SLC38A4: variants seen among roughly 807,000 people sequenced by gnomAD.
SLC38A4 encodes the protein solute carrier family 38 member 4.
A neutral mutation model predicts 63.1 loss-of-function variants in SLC38A4; 20 were observed. The ratio of observed to expected loss-of-function variants is 0.32; its 90% CI spans 0.22 to 0.46. The LOEUF is 0.46. Among genes scored for constraint, SLC38A4 ranks in the 20% least tolerant of loss-of-function variants. The pLI is 1.00. For synonymous variants in SLC38A4, 230 were observed against 225.5 expected (o/e 1.02, Z -0.18); for missense variants, 526 against 663.6 (o/e 0.79, Z 2.28).
chr12:46,796,856 G>A (rs1202430865), intron 2 of SLC38A4, among the ~76,000 whole-genome samples: 1 of 152,062 alleles, frequency 6.6e-6, no homozygotes, highest in Non-Finnish European at 1.5e-5. Context: ...GTGGATACCT[G>A]ATCACTGGTT....
chr12:46,767,238 ATGTG>A (rs63298462), intron 16 of SLC38A4, among the ~76,000 whole-genome samples: 7 of 150,896 alleles, frequency 4.6e-5, no homozygotes, highest in African/African-American at 1.2e-4. Flanking sequence ...AAGTGTATAT[ATGTG>A]TGTGTGTGTG....
At chr12:46,800,745 G>T (rs1475815099) in intron 2 of SLC38A4, among the ~76,000 whole-genome samples, 1 of 152,122 alleles carries the variant, frequency 6.6e-6, no homozygotes, top group Non-Finnish European at 1.5e-5. Context: ...TGCTGGGGTT[G>T]TGGATTCTAC....
chr12:46,823,966 A>G (rs1939599645), intron 1 of SLC38A4, among the ~76,000 whole-genome samples: 1 of 152,232 alleles, frequency 6.6e-6, no homozygotes, highest in Non-Finnish European at 1.5e-5. Context: ...TCCCAGCAGC[A>G]GATGAGGTGG....
At chr12:46,786,998 A>C (rs1044349960) in intron 5 of SLC38A4, among the ~76,000 whole-genome samples, 1 of 152,204 alleles carries the variant, frequency 6.6e-6, no homozygotes, top group African/African-American at 2.4e-5. Flanking sequence ...ACTGCTGCCA[A>C]CTATATCCTG....
At chr12:46,820,985 T>C (rs1283714906) in intron 1 of SLC38A4, among the ~76,000 whole-genome samples, 3 of 152,104 alleles carry the variant, frequency 2.0e-5, no homozygotes, top group Non-Finnish European at 4.4e-5. Flanking sequence ...TTTGAATAAA[T>C]GTCTATTCAA....
intron 1 of SLC38A4, among the ~76,000 whole-genome samples, chr12:46,816,654 T>G (rs907642196): frequency 6.6e-6 from 1 of 151,932 alleles, no homozygotes; most frequent in African/African-American, 2.4e-5. Context: ...CTTGACTGTT[T>G]CCCCATTTTC....
chr12:46,824,171 C>T (rs1483057904), intron 1 of SLC38A4: 2 of 152,134 alleles, frequency 1.3e-5, no homozygotes, highest in Non-Finnish European at 2.9e-5. Context: ...AGGGAACTTC[C>T]GATTGCAGAG....
chr12:46,788,458 T>C (rs2120815491), intron 4 of SLC38A4, 70 bp downstream of exon 4: 2 of 1,249,422 alleles, frequency 1.6e-6, no homozygotes, highest in Middle Eastern at 1.9e-4. Flanking sequence ...CACATTGTTT[T>C]CCCACAGAGA....
intron 12 of SLC38A4, 97 bp from the exon 13 acceptor site, chr12:46,777,101 G>T: frequency 1.0e-6 from 1 of 998,118 alleles, no homozygotes. Flanking sequence ...TATCTATATT[G>T]CTCATCATGA....
intron 3 of SLC38A4, among the ~76,000 whole-genome samples, chr12:46,789,379 A>G (rs937689931): frequency 2.6e-5 from 4 of 152,220 alleles, no homozygotes; most frequent in Non-Finnish European, 5.9e-5. Flanking sequence ...AAATTATTAA[A>G]GCAATTCAAT....
At chr12:46,828,466 C>T (rs1007420064), upstream of SLC38A4, among the ~76,000 whole-genome samples, 208 of 152,094 alleles carry the variant, frequency 1.4e-3, 2 homozygotes, top group Admixed American at 4.5e-3. Flanking sequence ...GGACTACAGG[C>T]GCACGTCACC....
At chr12:46,817,653 A>C (rs774427308) in intron 1 of SLC38A4, among the ~76,000 whole-genome samples, 8 of 151,818 alleles carry the variant, frequency 5.3e-5, no homozygotes, top group African/African-American at 1.7e-4. Flanking sequence ...CTTTGGACAA[A>C]AGGATCTCCT....
intron 1 of SLC38A4, among the ~76,000 whole-genome samples, chr12:46,811,478 T>C (rs1004260244): frequency 3.3e-5 from 5 of 152,010 alleles, no homozygotes; most frequent in Admixed American, 2.6e-4. Context: ...AAGCAGTTAC[T>C]GGCAGCTGGG....
intron 3 of SLC38A4, among the ~76,000 whole-genome samples, chr12:46,791,106 G>T (rs1938877019): frequency 6.6e-6 from 1 of 152,144 alleles, no homozygotes; most frequent in Admixed American, 6.5e-5. Context: ...CTTTAACTCT[G>T]TCAACCTCGG....
rs1305829962 is a variant in SLC38A4 at position 46,777,024 on chromosome 12, C to T, written c.1074-20G>A. 1 of 1,578,338 alleles carries T rather than the reference C, an allele frequency of 6.3e-7. No individual in the cohort carries two copies. The highest frequency in any genetic ancestry group is 1.4e-5 in the African/African-American group (1 of 73,190). ...GACCGACTGGAAAAAGAAAGAACAC[C>T]AAGCTTTGTTTTTTAAACTTACAAA... is the stretch of plus-strand genomic sequence containing the variant. On this transcript the variant is annotated intron_variant, in intron 12 of 16. Transcript: ENST00000266579.
Position 46,793,151 on chromosome 12 carries a change from TC to T in SLC38A4, c.-81del. The stretch of plus-strand genomic sequence containing the variant: ...TACTGTACCTTCAGCTTAAGGTTCT[TC>T]CACTTTGTGTTGATGTTCAGAACAC... On this transcript the variant is annotated 5_prime_UTR_variant, in exon 3 of 17. Coordinates refer to ENST00000266579, the MANE Select transcript of SLC38A4 (RefSeq NM_018018.5). 1 of 982,224 alleles carries T rather than the reference TC, an allele frequency of 1.0e-6. No homozygotes were observed. The highest frequency in any genetic ancestry group is 1.6e-6 in the Non-Finnish European group (1 of 617,862). The allele number at this position is 982,224 out of a possible 1,614,324, so 60.8% of individuals were successfully genotyped here.
At position 46,793,063 on chromosome 12, in the gene SLC38A4, G is replaced by A. The variant is rs1161714685; in HGVS notation, c.9C>T (p.Pro3=). MD[P]MELRNVNIEP... ...CGATGTTGACATTTCTCAGTTCCAT[G>A]GGATCCATTTGAGCTGTCAGCGCTT... The change falls in exon 3 of 17, where the codon CCC becomes CCT. Residue 3 remains proline, a synonymous_variant. Coordinates refer to ENST00000266579, the MANE Select transcript of SLC38A4 (RefSeq NM_018018.5). 1 of 1,612,336 alleles carries A rather than the reference G, an allele frequency of 6.2e-7. No individual in the cohort carries two copies. The highest frequency in any genetic ancestry group is 1.7e-5 in the Admixed American group (1 of 59,942).
intron 1 of SLC38A4, among the ~76,000 whole-genome samples, chr12:46,819,983 A>T (rs1565679321): frequency 6.6e-6 from 1 of 151,892 alleles, no homozygotes. Flanking sequence ...GTGCAACAAA[A>T]TTTTGATTTT....
At chr12:46,803,477 A>G (rs1388747852) in intron 2 of SLC38A4, 126 bp downstream of exon 2, 3 of 152,076 alleles carry the variant, frequency 2.0e-5, no homozygotes, top group African/African-American at 7.2e-5. Context: ...TAAAATGAGG[A>G]AAAAAAGTTA....
Sources: gnomAD v4.1 joint callset for allele counts (sites outside exome capture counted in the v4.1 genomes callset) on GRCh38, gnomAD v4.1.1 for gene constraint, MANE v1.5 for transcripts, NCBI Gene and HGNC (gene_info 2026-07-23, HGNC 2026-07-21) for gene names.